The following ATP10B variants were observed in gnomAD, a reference collection of about 807,000 sequenced individuals.
ATP10B encodes the protein ATPase phospholipid transporting 10B (putative).
In ATP10B, 122 loss-of-function variants were observed where a neutral mutation model predicts 141.2. The ratio of observed to expected loss-of-function variants is 0.86; its 90% CI spans 0.75 to 1.00. The LOEUF is 1.00. Ranked by LOEUF, ATP10B falls within the 50% of genes least tolerant of loss-of-function variation. The pLI is 0.00. For missense variants in ATP10B, 1,876 were observed against 1,825.3 expected (o/e 1.03, Z -0.51); for synonymous variants, 685 against 692.0 (o/e 0.99, Z 0.16).
chr5:160,733,570 A>G (rs1403217329), intron 2 of ATP10B, among the ~76,000 whole-genome samples: 1 of 151,644 alleles, frequency 6.6e-6, no homozygotes, highest in Non-Finnish European at 1.5e-5. Context: ...AAAATGACAT[A>G]TATATGTCAC....
intron 8 of ATP10B, among the ~76,000 whole-genome samples, chr5:160,646,790 G>C (rs1051756986): frequency 6.6e-6 from 1 of 152,202 alleles, no homozygotes; most frequent in African/African-American, 2.4e-5. Context: ...GGTAGAAAAG[G>C]ATTTGCTATC....
At chr5:160,827,040 T>C (rs1052238087) in intron 1 of ATP10B, among the ~76,000 whole-genome samples, 2 of 152,206 alleles carry the variant, frequency 1.3e-5, no homozygotes, top group African/African-American at 4.8e-5. Context: ...TTTGTTCTCC[T>C]TTTTGCCATT....
At chr5:160,594,325 G>T (rs1262603597) in intron 22 of ATP10B, among the ~76,000 whole-genome samples, 9 of 152,190 alleles carry the variant, frequency 5.9e-5, no homozygotes, top group African/African-American at 1.2e-4. Flanking sequence ...ATCCGTTACA[G>T]ACAGACAAAT....
chr5:160,753,532 G>T (rs1768308897), intron 2 of ATP10B, among the ~76,000 whole-genome samples: 1 of 152,176 alleles, frequency 6.6e-6, no homozygotes, highest in African/African-American at 2.4e-5. Flanking sequence ...TGTAGAATGT[G>T]TCATTCCTAC....
chr5:160,826,937 G>A (rs918333663), intron 1 of ATP10B, among the ~76,000 whole-genome samples: 4 of 152,142 alleles, frequency 2.6e-5, no homozygotes, highest in African/African-American at 7.2e-5. Context: ...CTGTTAAGAT[G>A]TTTATCAAGA....
the ATP10B span, among the ~76,000 whole-genome samples, chr5:160,872,650 G>A: frequency 6.6e-5 from 10 of 152,092 alleles, no homozygotes; most frequent in Admixed American, 3.9e-4. Context: ...CTCATTTTAT[G>A]TTTTTGTTTG....
intron 5 of ATP10B, among the ~76,000 whole-genome samples, chr5:160,687,293 A>G (rs1427732367): frequency 6.6e-6 from 1 of 152,058 alleles, no homozygotes; most frequent in Non-Finnish European, 1.5e-5. Context: ...CATTTTTTTT[A>G]TGTATCTCTA....
At chr5:160,683,946 C>T (rs577531125) in intron 6 of ATP10B, among the ~76,000 whole-genome samples, 111 of 152,292 alleles carry the variant, frequency 7.3e-4, no homozygotes, top group Non-Finnish European at 1.4e-3. Flanking sequence ...TCAATGAAAC[C>T]TTTGTAGAAC....
At chr5:160,733,679 A>C (rs528125560) in intron 2 of ATP10B, among the ~76,000 whole-genome samples, 163 of 34,622 alleles carry the variant, frequency 4.7e-3, no homozygotes, top group East Asian at 0.043. Flanking sequence ...ATATATATAT[A>C]TATACACACA....
chr5:160,579,836 T>G (rs1755431742), intron 24 of ATP10B, among the ~76,000 whole-genome samples: 1 of 152,226 alleles, frequency 6.6e-6, no homozygotes, highest in Non-Finnish European at 1.5e-5. Context: ...CCTCTCTTAT[T>G]TCTTTGACCA....
intron 7 of ATP10B, among the ~76,000 whole-genome samples, chr5:160,651,466 G>A (rs181490727): frequency 6.6e-6 from 1 of 152,102 alleles, no homozygotes; most frequent in Admixed American, 6.6e-5. Context: ...GTAGAATGGG[G>A]CTAACATCAC....
chr5:160,915,235 G>T, the ATP10B span, among the ~76,000 whole-genome samples: 1 of 152,106 alleles, frequency 6.6e-6, no homozygotes, highest in Non-Finnish European at 1.5e-5. Flanking sequence ...TGCCATAGGG[G>T]AGTCACCTCC....
intron 3 of ATP10B, among the ~76,000 whole-genome samples, chr5:160,709,607 A>T (rs1443032923): frequency 4.2e-5 from 4 of 95,684 alleles, no homozygotes; most frequent in African/African-American, 9.7e-5. Flanking sequence ...TTTTTTTTTT[A>T]ATTTTTTTTT....
At chr5:160,828,453 A>C (rs546248213) in intron 1 of ATP10B, among the ~76,000 whole-genome samples, 1 of 152,220 alleles carries the variant, frequency 6.6e-6, no homozygotes, top group South Asian at 2.1e-4. Context: ...GACACATAAA[A>C]AAATGCTCAT....
At chr5:160,816,134 C>T (rs1207129487) in intron 1 of ATP10B, among the ~76,000 whole-genome samples, 2 of 149,024 alleles carry the variant, frequency 1.3e-5, no homozygotes, top group Non-Finnish European at 3.0e-5. Context: ...CATTCAAAAG[C>T]TAGCAGAAGG....
chr5:160,800,961 T>C (rs1337553966), intron 1 of ATP10B, among the ~76,000 whole-genome samples: 1 of 152,226 alleles, frequency 6.6e-6, no homozygotes, highest in South Asian at 2.1e-4. Flanking sequence ...AGGTTTGTAA[T>C]GTACTGTTTG....
At chr5:160,622,173 A>T (rs1444012212) in intron 14 of ATP10B, among the ~76,000 whole-genome samples, 2 of 152,248 alleles carry the variant, frequency 1.3e-5, no homozygotes, top group African/African-American at 4.8e-5. Flanking sequence ...TGAAAGCTAC[A>T]CAGAAAGCTC....
the ATP10B span, among the ~76,000 whole-genome samples, chr5:160,878,563 C>T: frequency 6.6e-6 from 1 of 151,634 alleles, no homozygotes; most frequent in African/African-American, 2.4e-5. Context: ...AGAGCTTCTG[C>T]ACAGCAAAAG....
At chr5:160,928,500 G>A in the ATP10B span, among the ~76,000 whole-genome samples, 3 of 152,122 alleles carry the variant, frequency 2.0e-5, no homozygotes, top group African/African-American at 7.2e-5. Context: ...CTCATCGACT[G>A]AAGTCAAGCA....
Sources: gnomAD v4.1 joint callset for allele counts (sites outside exome capture counted in the v4.1 genomes callset) on GRCh38, gnomAD v4.1.1 for gene constraint, MANE v1.5 for transcripts, NCBI Gene and HGNC (gene_info 2026-07-23, HGNC 2026-07-21) for gene names.